CXorf38: variants seen among roughly 807,000 people sequenced by gnomAD.
CXorf38 encodes the protein uncharacterized protein CXorf38.
CXorf38 carries 13 observed loss-of-function variants against 27.5 expected under a neutral mutation model. The observed-to-expected ratio is 0.47, with a 90% CI of 0.31 to 0.75. The LOEUF is 0.75. CXorf38 is among the 30% of genes least tolerant of loss of function. CXorf38 has a pLI of 0.05. For missense variants in CXorf38, 240 were observed against 253.2 expected, an observed-to-expected ratio of 0.95 and a Z score of 0.35; for synonymous variants, 100 against 99.8, an observed-to-expected ratio of 1.00 and a Z score of -0.01.
chrX:40,643,847 T>G (rs188939540), intron 2 of CXorf38, among the ~76,000 whole-genome samples: 8 of 112,535 alleles, frequency 7.1e-5, no homozygotes, highest in African/African-American at 2.3e-4. Context: ...ATGGAATTTA[T>G]ATAAAATGGA....
intron 2 of CXorf38, among the ~76,000 whole-genome samples, chrX:40,645,541 G>A (rs1162517982): frequency 9.0e-6 from 1 of 111,180 alleles, no homozygotes; most frequent in Admixed American, 9.5e-5. Context: ...TATGGCTGCA[G>A]TGGAAAAAAA....
At chrX:40,639,803 G>A (rs1047986864) in intron 2 of CXorf38, 2 of 126,247 alleles carry the variant, frequency 1.6e-5, no homozygotes, top group African/African-American at 6.6e-5. Context: ...GACCCACATA[G>A]GAGTTACAGA....
chrX:40,646,245 C>CCCA (rs58563060), intron 2 of CXorf38, among the ~76,000 whole-genome samples: 1 of 51,621 alleles, frequency 1.9e-5, no homozygotes, highest in Non-Finnish European at 3.4e-5. Flanking sequence ...TGCGCCCGGC[C>CCCA]GTCCTTTCAT....
rs1928075041 is a variant in CXorf38, at chrX:40,636,548, C to G, written c.786G>C (p.Glu262Asp). 1.7e-6 allele frequency: 2 copies of G among 1,203,226 alleles called. No homozygotes were observed. Among genetic ancestry groups the G allele is most frequent in the Admixed American group, 4.4e-5 (2 of 45,699 alleles). Residue 262 changes from glutamate to aspartate, a missense_variant, in exon 5 of 7, where the codon GAG becomes GAC. Coordinates refer to ENST00000327877, the MANE Select transcript of CXorf38 (RefSeq NM_144970.3). ...TTTCTTTTACCTCTTCAGGCAACAC[C>G]TCTTGTTCTTCTGCTTGAAGATATA... ...QEIYLQAEEQEVLPEELSNRL... is the reference protein window; with the variant it reads ...QEIYLQAEEQDVLPEELSNRL...
intron 2 of CXorf38, among the ~76,000 whole-genome samples, chrX:40,642,452 G>A (rs1426423845): frequency 1.8e-5 from 2 of 111,543 alleles, no homozygotes; most frequent in Admixed American, 9.5e-5. Context: ...GAAGAGGCCT[G>A]GCCCTGAGTC....
At chrX:40,642,296 G>A (rs957684302) in intron 2 of CXorf38, among the ~76,000 whole-genome samples, 1 of 111,547 alleles carries the variant, frequency 9.0e-6, no homozygotes, top group Non-Finnish European at 1.9e-5. Flanking sequence ...GTGCTCCACA[G>A]GCGATGGAGT....
At chrX:40,639,898 C>T (rs895792891) in intron 2 of CXorf38, 1 of 128,898 alleles carries the variant, frequency 7.8e-6, no homozygotes, top group Non-Finnish European at 1.6e-5. Context: ...TTTTATGGCA[C>T]AGACCCCCAA....
chrX:40,633,915 C>T (rs1327941602), intron 5 of CXorf38, among the ~76,000 whole-genome samples: 1 of 110,840 alleles, frequency 9.0e-6, no homozygotes, highest in African/African-American at 3.3e-5. Context: ...AGGTGGCAGC[C>T]GAATTCTGGG....
intron 1 of CXorf38, 73 bp from the exon 2 acceptor site, chrX:40,647,214 C>A (rs370806908): frequency 5.2e-4 from 612 of 1,173,305 alleles, no homozygotes; most frequent in Middle Eastern, 9.8e-4. Context: ...GCGGAGGGAA[C>A]AGGACACTTG....
intron 2 of CXorf38, chrX:40,639,626 A>G (rs761357654): frequency 8.6e-6 from 1 of 115,935 alleles, no homozygotes; most frequent in Admixed American, 9.0e-5. Context: ...AGTTACCCTC[A>G]GATTCCTTAT....
rs1462078700 is a variant in CXorf38 at position 40,636,716 on chromosome X, A to C, written c.622-4T>G. 4.2e-6 allele frequency: 5 copies of C among 1,185,969 alleles called. No individual in the cohort carries two copies. Among genetic ancestry groups the C allele is most frequent in the Non-Finnish European group, 5.7e-6 (5 of 881,021 alleles). Reference sequence around the variant, plus strand: ...CAGCCCAGTCAGACGTCAACAGCTGAGGGATTGCCACACAAATATATGAAC... The same window carrying C: ...CAGCCCAGTCAGACGTCAACAGCTGCGGGATTGCCACACAAATATATGAAC... On this transcript the variant is annotated splice_region_variant and splice_polypyrimidine_tract_variant and intron_variant, in intron 4 of 6. Transcript: ENST00000327877.
intron 2 of CXorf38, among the ~76,000 whole-genome samples, chrX:40,644,185 T>C (rs771190896): frequency 8.9e-6 from 1 of 112,396 alleles, no homozygotes; most frequent in African/African-American, 3.2e-5. Context: ...TTTAATTGTT[T>C]CTTTTAAAAA....
chrX:40,645,825 C>T (rs1928548656), intron 2 of CXorf38, among the ~76,000 whole-genome samples: 1 of 110,648 alleles, frequency 9.0e-6, no homozygotes, highest in Non-Finnish European at 1.9e-5. Flanking sequence ...GCCATGTTAT[C>T]CAGGGTGGTC....
At position 40,639,679 on chromosome X, in the gene CXorf38, T is replaced by C. The variant is rs148063019; in HGVS notation, c.352-551A>G. On this transcript the variant is annotated intron_variant, in intron 2 of 6. Coordinates refer to ENST00000327877, the MANE Select transcript of CXorf38 (RefSeq NM_144970.3). Reference sequence around the variant, plus strand: ...CTGTCCTTATCTACTTCAAAGGATATTGTGAGAATGAAATAAGAGAATGCA... The same window carrying C: ...CTGTCCTTATCTACTTCAAAGGATACTGTGAGAATGAAATAAGAGAATGCA... 534 of 114,687 alleles carry C rather than the reference T, an allele frequency of 4.7e-3. 2 individuals carry two copies. Among genetic ancestry groups the C allele is most frequent in the African/African-American group, 0.015 (456 of 30,446 alleles). 9.5% of individuals were successfully genotyped at this position (114,687 alleles called of 1,213,427 possible).
At chrX:40,636,776 C>G in intron 4 of CXorf38, 64 bp from the exon 5 acceptor site, 1 of 991,133 alleles carries the variant, frequency 1.0e-6, no homozygotes, top group African/African-American at 1.9e-5. Context: ...CTGAATTACT[C>G]AAATAATTTA....
chrX:40,643,799 C>T (rs1261767845), intron 2 of CXorf38, among the ~76,000 whole-genome samples: 3 of 111,932 alleles, frequency 2.7e-5, no homozygotes, highest in Admixed American at 9.4e-5. Flanking sequence ...CTTGAGCCAC[C>T]GTGCCCCGCC....
intron 2 of CXorf38, among the ~76,000 whole-genome samples, chrX:40,644,093 T>C (rs981131480): frequency 1.8e-5 from 2 of 112,619 alleles, no homozygotes; most frequent in Non-Finnish European, 3.7e-5. Flanking sequence ...AACATCTGCG[T>C]ACATTTTTTT....
intron 1 of CXorf38, 66 bp downstream of exon 1, chrX:40,647,239 G>A: frequency 2.0e-6 from 2 of 995,339 alleles, no homozygotes; most frequent in East Asian, 3.5e-5. Flanking sequence ...CTGGGTCTGG[G>A]ACAGGAACGG....
chrX:40,639,488 A>G (rs905933050), intron 2 of CXorf38: 3 of 122,914 alleles, frequency 2.4e-5, no homozygotes, highest in East Asian at 2.4e-4. Context: ...AAAATAAAAT[A>G]AAAGTGGACA....
Sources: allele counts gnomAD v4.1 joint callset (sites outside exome capture counted in the v4.1 genomes callset), GRCh38; gene constraint gnomAD v4.1.1; transcripts MANE v1.5; gene names NCBI Gene and HGNC (gene_info 2026-07-23, HGNC 2026-07-21).